ARRB1: variants seen among roughly 807,000 people sequenced by gnomAD.
ARRB1 encodes arrestin beta 1.
Under a neutral mutation model 56.8 loss-of-function variants are expected in ARRB1, and 21 were observed. The observed-to-expected ratio is 0.37, with a 90% CI of 0.26 to 0.53. The LOEUF is 0.53. Ranked by LOEUF, ARRB1 falls within the 20% of genes least tolerant of loss-of-function variation. The probability of loss-of-function intolerance (pLI) is 0.88; values close to 1 mark genes in which losing one functional copy is unlikely to be tolerated. For synonymous variants in ARRB1, 210 were observed against 218.6 expected, an observed-to-expected ratio of 0.96 and a Z score of 0.35; for missense variants, 424 against 553.7, an observed-to-expected ratio of 0.77 and a Z score of 2.35.
chr11:75,285,002 A>T (rs1360540680), intron 3 of ARRB1, among the ~76,000 whole-genome samples: 1 of 152,246 alleles, frequency 6.6e-6, no homozygotes, highest in Non-Finnish European at 1.5e-5. Context: ...AAAGCCATTA[A>T]TACCTCTGTA....
At chr11:75,344,248 C>T (rs1947734585) in intron 1 of ARRB1, among the ~76,000 whole-genome samples, 1 of 152,220 alleles carries the variant, frequency 6.6e-6, no homozygotes, top group African/African-American at 2.4e-5. Flanking sequence ...CACCCATCCC[C>T]ACCCAGGACA....
At chr11:75,340,878 G>C (rs2134992815) in intron 1 of ARRB1, among the ~76,000 whole-genome samples, 1 of 152,136 alleles carries the variant, frequency 6.6e-6, no homozygotes, top group East Asian at 1.9e-4. Context: ...ATCTGCCGTG[G>C]GTGAGGGGCC....
At chr11:75,342,955 C>T (rs980537422) in intron 1 of ARRB1, among the ~76,000 whole-genome samples, 1 of 152,172 alleles carries the variant, frequency 6.6e-6, no homozygotes, top group African/African-American at 2.4e-5. Context: ...TGGCTCTGGG[C>T]TACTTTGAGA....
intron 1 of ARRB1, among the ~76,000 whole-genome samples, chr11:75,296,305 A>ATCCGC (rs1452680127): frequency 6.6e-6 from 1 of 152,112 alleles, no homozygotes; most frequent in Non-Finnish European, 1.5e-5. Flanking sequence ...AATGTTTCAG[A>ATCCGC]TCCGCTGTTC....
At chr11:75,302,239 C>T (rs1946922166) in intron 1 of ARRB1, among the ~76,000 whole-genome samples, 1 of 152,210 alleles carries the variant, frequency 6.6e-6, no homozygotes, top group Non-Finnish European at 1.5e-5. Context: ...GGGCTGCAGA[C>T]TTCCCACAGA....
intron 1 of ARRB1, among the ~76,000 whole-genome samples, chr11:75,318,407 T>C (rs991396754): frequency 1.3e-5 from 2 of 152,074 alleles, no homozygotes; most frequent in Non-Finnish European, 2.9e-5. Context: ...GATCTCCCCA[T>C]GGCTGGGCAC....
chr11:75,340,536 G>T (rs1160701903), intron 1 of ARRB1, among the ~76,000 whole-genome samples: 1 of 152,240 alleles, frequency 6.6e-6, no homozygotes, highest in Admixed American at 6.5e-5. Context: ...TCTCAGCCCA[G>T]CACTACGAGG....
chr11:75,271,728 G>A lies in ARRB1; in HGVS notation c.999-4C>T. Reference sequence around the variant, plus strand: ...GGATGCAAGATCTCCCAACAGGCTGGGTGGGTCAGAGGAGGCAGGAGAAGT... The same window carrying A: ...GGATGCAAGATCTCCCAACAGGCTGAGTGGGTCAGAGGAGGCAGGAGAAGT... On this transcript the variant is annotated splice_region_variant and splice_polypyrimidine_tract_variant and intron_variant, in intron 12 of 15. Transcript: ENST00000420843. 2 of 1,572,770 alleles carry A rather than the reference G, an allele frequency of 1.3e-6. No individual in the cohort carries two copies. Among genetic ancestry groups the A allele is most frequent in the Non-Finnish European group, 1.7e-6 (2 of 1,158,690 alleles).
At chr11:75,338,802 C>A in intron 1 of ARRB1, among the ~76,000 whole-genome samples, 1 of 151,144 alleles carries the variant, frequency 6.6e-6, no homozygotes, top group East Asian at 1.9e-4. Flanking sequence ...AAATCTGTTG[C>A]AAAAAAAAAT....
Position 75,276,886 on chromosome 11 carries a change from A to G in ARRB1, c.729T>C (p.Leu243=), listed in dbSNP as rs1306102466. 2 of 1,614,176 alleles carry G rather than the reference A, an allele frequency of 1.2e-6. No individual in the cohort carries two copies. Among genetic ancestry groups the G allele is most frequent in the Admixed American group, 1.7e-5 (1 of 60,032 alleles). The part of the protein sequence containing the change: ...ISVRQYADIC[L]FNTAQYKCPV... Reference sequence around the variant, plus strand: ...GGCACTTGTACTGAGCTGTGTTGAAAAGGCAGATGTCTGCATACTGGCGCA... The same window carrying G: ...GGCACTTGTACTGAGCTGTGTTGAAGAGGCAGATGTCTGCATACTGGCGCA... Residue 243 remains leucine (L), a synonymous_variant, in exon 10 of 16, where the codon CTT becomes CTC. Coordinates refer to ENST00000420843, the MANE Select transcript of ARRB1 (RefSeq NM_004041.5).
In ARRB1 at chr11:75,337,693, A is replaced by G. The variant is rs1357316336; in HGVS notation, c.20+13895T>C. 3.3e-5 allele frequency among the ~76,000 whole-genome samples: 5 copies of G among 150,384 alleles called. No individual in the cohort carries two copies. The East Asian group carries it at 9.8e-4, about 30-fold the overall frequency. The stretch of plus-strand genomic sequence containing the variant: ...GTGCTAAGGGAGCCTGGAAGAGGCC[A>G]TTCACTCTACCTGGGCAGGGAGCAG... On this transcript the variant is annotated intron_variant, in intron 1 of 15. Transcript: ENST00000420843.
chr11:75,283,496 AG>A lies in ARRB1; in HGVS notation c.158-14del. 6.3e-7 allele frequency: 1 copy of A among 1,587,806 alleles called. No individual in the cohort carries two copies. Among genetic ancestry groups the A allele is most frequent in the East Asian group, 2.3e-5 (1 of 44,402 alleles). On this transcript the variant is annotated splice_polypyrimidine_tract_variant and intron_variant, in intron 4 of 15. Coordinates refer to ENST00000420843, the MANE Select transcript of ARRB1 (RefSeq NM_004041.5). ...AGCGTCACATAGACTGTGGGGAGCG[AG>A]GAGCACTGAGGAGGGGCCTGGGAGA...
At chr11:75,318,289 G>C (rs1174651649) in intron 1 of ARRB1, among the ~76,000 whole-genome samples, 1 of 151,240 alleles carries the variant, frequency 6.6e-6, no homozygotes, top group Non-Finnish European at 1.5e-5. Flanking sequence ...TCAGCCTCCT[G>C]AGTAACTGAG....
At chr11:75,332,028 G>A (rs976334580) in intron 1 of ARRB1, among the ~76,000 whole-genome samples, 2 of 151,726 alleles carry the variant, frequency 1.3e-5, no homozygotes, top group African/African-American at 2.4e-5. Flanking sequence ...GCTCCCCACT[G>A]AGCACCTTTT....
intron 1 of ARRB1, among the ~76,000 whole-genome samples, chr11:75,305,634 A>G (rs2140471966): frequency 6.6e-6 from 1 of 152,274 alleles, no homozygotes; most frequent in East Asian, 1.9e-4. Flanking sequence ...CCCTAAGTAG[A>G]GAAGATAAAT....
At chr11:75,328,540 C>G (rs1388463037) in intron 1 of ARRB1, among the ~76,000 whole-genome samples, 3 of 152,176 alleles carry the variant, frequency 2.0e-5, no homozygotes, top group Non-Finnish European at 4.4e-5. Flanking sequence ...ATGAAAGTGC[C>G]CTTCTTACAT....
chr11:75,302,999 CATT>C (rs61237959), intron 1 of ARRB1, among the ~76,000 whole-genome samples: 2 of 150,114 alleles, frequency 1.3e-5, no homozygotes, highest in East Asian at 3.9e-4. Context: ...TTATTATTAT[CATT>C]ATTATTATTA....
rs371702166 is a variant in ARRB1, at chr11:75,283,384, G to A, written c.257C>T (p.Ser86Leu). ...RKDLFVANVQSFPPAPEDKKP... is the reference protein window; with the variant it reads ...RKDLFVANVQLFPPAPEDKKP... Reference sequence around the variant, plus strand: ...CTTGTCCTCGGGGGCCGGTGGGAACGACTGTACGTTGGCCACAAACAGGTC... The same window carrying A: ...CTTGTCCTCGGGGGCCGGTGGGAACAACTGTACGTTGGCCACAAACAGGTC... The change falls in exon 5 of 16, where the codon TCG becomes TTG. Residue 86 changes from serine (S) to leucine (L), a missense_variant. Ser to Leu is a moderately radical substitution (Grantham distance 145). Transcript: ENST00000420843. 55 of 1,614,048 alleles carry A rather than the reference G, an allele frequency of 3.4e-5. No homozygotes were observed. The highest frequency in any genetic ancestry group is 1.6e-4 in the Middle Eastern group (1 of 6,084).
intron 3 of ARRB1, among the ~76,000 whole-genome samples, chr11:75,285,363 AC>A (rs1025342487): frequency 6.6e-6 from 1 of 152,102 alleles, no homozygotes; most frequent in African/African-American, 2.4e-5. Context: ...TCTGCTCAGC[AC>A]CCCAGGAGGC....
Sources: gnomAD v4.1 joint callset for allele counts (sites outside exome capture counted in the v4.1 genomes callset) on GRCh38, gnomAD v4.1.1 for gene constraint, MANE v1.5 for transcripts, NCBI Gene and HGNC (gene_info 2026-07-23, HGNC 2026-07-21) for gene names.